Variants in TRMT61B observed in about 807,000 individuals in gnomAD.
TRMT61B encodes the protein tRNA methyltransferase 61B.
TRMT61B carries 56 observed loss-of-function variants against 52.0 expected under a neutral mutation model. That is an observed-to-expected ratio of 1.08 (90% CI 0.87 to 1.35). TRMT61B has a LOEUF of 1.35. TRMT61B is among the 40% of genes most tolerant of loss of function. The probability of loss-of-function intolerance (pLI) is 0.00; values close to 1 mark genes in which losing one functional copy is unlikely to be tolerated. For synonymous variants in TRMT61B, 206 were observed against 220.0 expected, an observed-to-expected ratio of 0.94 and a Z score of 0.56; for missense variants, 650 against 577.9, an observed-to-expected ratio of 1.12 and a Z score of -1.28.
intron 3 of TRMT61B, among the ~76,000 whole-genome samples, chr2:28,854,767 A>AAAAAAC: frequency 8.2e-6 from 1 of 122,140 alleles, no homozygotes; most frequent in Non-Finnish European, 1.8e-5. Flanking sequence ...AAAAAAAAAA[A>AAAAAAC]AAAACTGCCA....
Position 28,867,611 on chromosome 2 carries a change from C to A in TRMT61B, c.699+1968G>T, listed in dbSNP as rs769314595. Among the ~76,000 whole-genome samples, 5 of 152,138 alleles carry A rather than the reference C, an allele frequency of 3.3e-5. No homozygotes were observed. The East Asian group carries it at 9.6e-4, about 29-fold the overall frequency. On this transcript the variant is annotated intron_variant, in intron 1 of 6. Coordinates refer to ENST00000306108, the MANE Select transcript of TRMT61B (RefSeq NM_017910.4). ...TAGAGTGGAACAATGTGACTTTTATCTGTAACAAATGGAAAGGCAGAAAGT... is the reference window on the plus strand; with the variant it reads ...TAGAGTGGAACAATGTGACTTTTATATGTAACAAATGGAAAGGCAGAAAGT...
At chr2:28,863,933 C>A (rs1448886718) in intron 2 of TRMT61B, among the ~76,000 whole-genome samples, 1 of 151,966 alleles carries the variant, frequency 6.6e-6, no homozygotes, top group Non-Finnish European at 1.5e-5. Flanking sequence ...CCAAAGCAAC[C>A]CTGACACTCA....
chr2:28,855,756 G>A (rs552652936), intron 3 of TRMT61B, among the ~76,000 whole-genome samples: 14 of 152,252 alleles, frequency 9.2e-5, no homozygotes, highest in African/African-American at 3.4e-4. Flanking sequence ...ATCACCTTAG[G>A]TGAGGAGTTC....
intron 3 of TRMT61B, among the ~76,000 whole-genome samples, chr2:28,856,954 GAC>G (rs1669371790): frequency 6.6e-6 from 1 of 151,694 alleles, no homozygotes. Context: ...TAATTTTTGA[GAC>G]AGAGTCTTGC....
At chr2:28,850,268 A>G (rs1669015382) in intron 6 of TRMT61B, 26 bp from the exon 7 acceptor site, 1 of 1,606,580 alleles carries the variant, frequency 6.2e-7, no homozygotes, top group Non-Finnish European at 8.5e-7. Flanking sequence ...AAAAACATAA[A>G]GTCATTATAT....
chr2:28,866,600 G>C (rs1054018911), intron 1 of TRMT61B, among the ~76,000 whole-genome samples: 1 of 152,202 alleles, frequency 6.6e-6, no homozygotes, highest in South Asian at 2.1e-4. Context: ...CTAACCTGCT[G>C]TGTGGCCCGG....
chr2:28,851,235 T>C lies in TRMT61B; in HGVS notation c.1149A>G (p.Glu383=). The C allele has an allele frequency of 6.2e-7, 1 of 1,613,900 alleles. No homozygotes were observed. Among genetic ancestry groups the C allele is most frequent in the Non-Finnish European group, 8.5e-7 (1 of 1,179,912 alleles). The change falls in exon 5 of 7, where the codon GAA becomes GAG. Residue 383 remains glutamate (E), a synonymous_variant. Coordinates refer to ENST00000306108, the MANE Select transcript of TRMT61B (RefSeq NM_017910.4). ...IRTCELALSC[E]KISEVIVRDW... ...CTCTGACAATGACCTCGCTTATCTT[T>C]TCACATGAAAGAGCAAGTTCACAGG...
chr2:28,851,303 C>T lies in TRMT61B; in HGVS notation c.1086-5G>A. 1 of 1,574,420 alleles carries T rather than the reference C, an allele frequency of 6.4e-7. No individual in the cohort carries two copies. Among genetic ancestry groups the T allele is most frequent in the Non-Finnish European group, 8.6e-7 (1 of 1,162,446 alleles). On this transcript the variant is annotated splice_polypyrimidine_tract_variant and splice_region_variant and intron_variant, in intron 4 of 6. Coordinates refer to ENST00000306108, the MANE Select transcript of TRMT61B (RefSeq NM_017910.4). ...AGTTCAATAACCTGTGTGATGCTTT[C>T]AGAAAAGTGAAAAATTTACATTTCT...
intron 5 of TRMT61B, chr2:28,850,759 C>T: frequency 3.2e-6 from 1 of 316,408 alleles, no homozygotes; most frequent in Non-Finnish European, 5.7e-6. Context: ...AGCTATTTGC[C>T]TATCAGGTCC....
chr2:28,850,140 T>C lies in TRMT61B; in HGVS notation c.*59A>G. On this transcript the variant is annotated 3_prime_UTR_variant, in exon 7 of 7. Transcript: ENST00000306108. ...AATCTATGGAAGCAGTGATTTTCAA[T>C]ATAAAGTTCTATTTTGATATTTTTC... 1.4e-6 allele frequency: 2 copies of C among 1,464,260 alleles called. No individual in the cohort carries two copies. The highest frequency in any genetic ancestry group is 1.9e-6 in the Non-Finnish European group (2 of 1,057,738). 90.7% of individuals were successfully genotyped at this position (1,464,260 alleles called of 1,614,324 possible). A position where few individuals can be genotyped will look rare whatever the true frequency, so the allele number is the denominator to read the frequency against.
chr2:28,859,620 C>CA (rs1490734561), intron 3 of TRMT61B, among the ~76,000 whole-genome samples: 5 of 151,928 alleles, frequency 3.3e-5, no homozygotes, highest in African/African-American at 1.2e-4. Context: ...TCTATTCCCT[C>CA]ATATTGAGTA....
chr2:28,865,425 A>C (rs1431884907), intron 1 of TRMT61B, among the ~76,000 whole-genome samples: 1 of 152,214 alleles, frequency 6.6e-6, no homozygotes, highest in Non-Finnish European at 1.5e-5. Context: ...AAACAGCTTT[A>C]AACAAAGCAG....
At chr2:28,853,312 A>G (rs1054387682) in intron 3 of TRMT61B, among the ~76,000 whole-genome samples, 9 of 151,946 alleles carry the variant, frequency 5.9e-5, no homozygotes, top group African/African-American at 2.2e-4. Flanking sequence ...AGTAGCTGAG[A>G]CTACAGGCAG....
Position 28,869,635 on chromosome 2 carries a change from C to T in TRMT61B, c.643G>A (p.Ala215Thr). 1 of 1,614,166 alleles carries T rather than the reference C, an allele frequency of 6.2e-7. No individual in the cohort carries two copies. Among genetic ancestry groups the T allele is most frequent in the Non-Finnish European group, 8.5e-7 (1 of 1,180,024 alleles). Residue 215 changes from alanine to threonine, a missense_variant, in exon 1 of 7, where the codon GCC becomes ACC. Physicochemically the swap from Ala to Thr is moderately conservative, Grantham distance 58. Coordinates refer to ENST00000306108, the MANE Select transcript of TRMT61B (RefSeq NM_017910.4). ...FGKQYMLRRP[A>T]LEDYVVLMKR... ...ATCAATACTACATAGTCTTCCAAGG[C>T]TGGCCTCCTCAGCATGTACTGCTTA...
At position 28,851,084 on chromosome 2, in the gene TRMT61B, C is replaced by T. The variant is rs563525034; in HGVS notation, c.1300G>A (p.Glu434Lys). 4.4e-6 allele frequency: 7 copies of T among 1,605,020 alleles called. No individual in the cohort carries two copies. Among genetic ancestry groups the T allele is most frequent in the Admixed American group, 3.4e-5 (2 of 59,160 alleles). Reference protein sequence around the residue: ...KIGVKGELFQEDDHEESHSDF... With the variant: ...KIGVKGELFQKDDHEESHSDF... ...AACTGAAGCTCACCATGGTCATCCTCTTGAAACAGCTCACCTTTAACTCCA... is the reference window on the plus strand; with the variant it reads ...AACTGAAGCTCACCATGGTCATCCTTTTGAAACAGCTCACCTTTAACTCCA... The change falls in exon 5 of 7, where the codon GAG becomes AAG. Residue 434 changes from glutamate to lysine, a missense_variant. Physicochemically the swap from Glu to Lys is moderately conservative, Grantham distance 56. Coordinates refer to ENST00000306108, the MANE Select transcript of TRMT61B (RefSeq NM_017910.4).
At chr2:28,866,729 A>G (rs751388915) in intron 1 of TRMT61B, among the ~76,000 whole-genome samples, 4 of 152,244 alleles carry the variant, frequency 2.6e-5, no homozygotes, top group South Asian at 2.1e-4. Flanking sequence ...CTTGCCAAAC[A>G]TATAATTGGA....
Position 28,856,674 on chromosome 2 carries a change from G to A in TRMT61B, c.994-4175C>T, listed in dbSNP as rs185897311. On this transcript the variant is annotated intron_variant, in intron 3 of 6. Transcript: ENST00000306108. ...TTTTGAGATGGAGTCTCATCCTGTC[G>A]CCCAGGTTGGAGTACAATGGTGCGA... is the stretch of plus-strand genomic sequence containing the variant. Among the ~76,000 whole-genome samples the A allele has an allele frequency of 1.4e-3, 210 of 150,096 alleles. 1 individual carries two copies. The highest frequency in any genetic ancestry group is 2.4e-3 in the Non-Finnish European group (165 of 67,732).
At chr2:28,857,360 G>C in intron 3 of TRMT61B, among the ~76,000 whole-genome samples, 1 of 152,068 alleles carries the variant, frequency 6.6e-6, no homozygotes. Context: ...ATAAATGCCT[G>C]TTGACTCCAG....
intron 3 of TRMT61B, among the ~76,000 whole-genome samples, chr2:28,858,773 C>G (rs570736644): frequency 9.8e-6 from 1 of 102,406 alleles, no homozygotes; most frequent in Admixed American, 1.6e-4. Context: ...CCAGCCTGGG[C>G]GAAAGAGCAG....
Sources: gnomAD v4.1 joint callset for allele counts (sites outside exome capture counted in the v4.1 genomes callset) on GRCh38, gnomAD v4.1.1 for gene constraint, MANE v1.5 for transcripts, NCBI Gene and HGNC (gene_info 2026-07-23, HGNC 2026-07-21) for gene names.